Variants in KLHL29 observed in about 807,000 individuals in gnomAD.
KLHL29 encodes the protein kelch-like protein 29.
Under a neutral mutation model 80.4 loss-of-function variants are expected in KLHL29, and 21 were observed. The observed-to-expected ratio is 0.26, with a 90% CI of 0.19 to 0.38. KLHL29 has a LOEUF of 0.38. Ranked by LOEUF, KLHL29 falls within the 10% of genes least tolerant of loss-of-function variation. KLHL29 has a pLI of 1.00. For synonymous variants in KLHL29, 511 were observed against 526.8 expected, an observed-to-expected ratio of 0.97 and a Z score of 0.41; for missense variants, 867 against 1,223.9, an observed-to-expected ratio of 0.71 and a Z score of 4.35.
At position 23,613,763 on chromosome 2, in the gene KLHL29, C is replaced by CAAAAAAAAAAAAAAAAA. The variant is rs1157736706; in HGVS notation, c.286-25365_286-25349dup. The stretch of plus-strand genomic sequence containing the variant: ...TGGGCGGCAGGGCAAGACTCCATCT[C>CAAAAAAAAAAAAAAAAA]AAAAAAAAAAAAAAAAAAAAAAAAA... On this transcript the variant is annotated intron_variant, in intron 3 of 13. Coordinates refer to ENST00000486442, the MANE Select transcript of KLHL29 (RefSeq NM_052920.2). Among the ~76,000 whole-genome samples the CAAAAAAAAAAAAAAAAA allele has an allele frequency of 1.1e-4, 7 of 63,718 alleles. 1 individual carries two copies. Among genetic ancestry groups the CAAAAAAAAAAAAAAAAA allele is most frequent in the African/African-American group, 4.4e-4 (5 of 11,258 alleles). The allele number at this position is 63,718 out of a possible 152,430, so 41.8% of individuals were successfully genotyped here. A position where few individuals can be genotyped will look rare whatever the true frequency, so the allele number is the denominator to read the frequency against.
rs573983932 is a variant in KLHL29, at chr2:23,425,207, A to G, written c.-154+39427A>G. Among the ~76,000 whole-genome samples the G allele has an allele frequency of 2.3e-4, 35 of 152,356 alleles. No individual in the cohort carries two copies. The South Asian group carries it at 2.7e-3, about 12-fold the overall frequency. ...ATCTTTTTTACCATAAGCCATGCAA[A>G]AATGATAAAATGATTTTTTTTAATT... is the stretch of plus-strand genomic sequence containing the variant. On this transcript the variant is annotated intron_variant, in intron 1 of 13. Coordinates refer to ENST00000486442, the MANE Select transcript of KLHL29 (RefSeq NM_052920.2).
At chr2:23,434,341 A>AAT (rs1663276259) in intron 1 of KLHL29, among the ~76,000 whole-genome samples, 1 of 151,100 alleles carries the variant, frequency 6.6e-6, no homozygotes. Flanking sequence ...AAAAAAAAAA[A>AAT]AAAAGCTAGG....
At chr2:23,556,170 G>A (rs898044574) in intron 2 of KLHL29, among the ~76,000 whole-genome samples, 2 of 152,230 alleles carry the variant, frequency 1.3e-5, no homozygotes, top group Non-Finnish European at 2.9e-5. Flanking sequence ...GCAGCGGGGA[G>A]CCTGACAGCC....
rs868111996 is a variant in KLHL29, at chr2:23,706,418, A to T, written c.2445-63A>T. 8 of 1,302,040 alleles carry T rather than the reference A, an allele frequency of 6.1e-6. No individual in the cohort carries two copies. In the Middle Eastern group the frequency reaches 1.5e-3, roughly 249 times the overall value. 80.7% of individuals were successfully genotyped at this position (1,302,040 alleles called of 1,614,324 possible). On this transcript the variant is annotated intron_variant, in intron 13 of 13. Transcript: ENST00000486442. ...CCTACAACAGGACACGACGTTGAGA[A>T]CCTATCTCCAGGGCCAAGTTGGAAG...
At chr2:23,397,792 G>T (rs1666487514) in intron 1 of KLHL29, among the ~76,000 whole-genome samples, 1 of 152,184 alleles carries the variant, frequency 6.6e-6, no homozygotes, top group South Asian at 2.1e-4. Flanking sequence ...ATTAAAAAAT[G>T]GGCAAAGGAC....
intron 1 of KLHL29, among the ~76,000 whole-genome samples, chr2:23,390,888 A>G (rs1666304530): frequency 6.6e-6 from 1 of 152,142 alleles, no homozygotes; most frequent in Admixed American, 6.5e-5. Flanking sequence ...TCCTGACCTC[A>G]GGTGATCCAC....
Position 23,461,410 on chromosome 2 carries a change from C to CT in KLHL29, c.-153-14146dup, listed in dbSNP as rs550743978. 3.0e-3 allele frequency among the ~76,000 whole-genome samples: 461 copies of CT among 152,318 alleles called. 2 individuals are homozygous for CT. Among genetic ancestry groups the CT allele is most frequent in the Admixed American group, 6.5e-3 (100 of 15,300 alleles). On this transcript the variant is annotated intron_variant, in intron 1 of 13. Coordinates refer to ENST00000486442, the MANE Select transcript of KLHL29 (RefSeq NM_052920.2). Reference sequence around the variant, plus strand: ...TCAATTCATAATTCATGTTTCAACACTTTTGCAGCTGCTCTAAAAATTCTA... The same window carrying CT: ...TCAATTCATAATTCATGTTTCAACACTTTTTGCAGCTGCTCTAAAAATTCTA...
At chr2:23,686,051 C>T (rs1246126873) in intron 6 of KLHL29, among the ~76,000 whole-genome samples, 4 of 152,082 alleles carry the variant, frequency 2.6e-5, no homozygotes, top group Non-Finnish European at 5.9e-5. Context: ...GAGAAGAACA[C>T]GTGCTAGGAG....
chr2:23,530,152 G>A (rs1354895145), intron 2 of KLHL29, among the ~76,000 whole-genome samples: 1 of 152,242 alleles, frequency 6.6e-6, no homozygotes, highest in East Asian at 1.9e-4. Flanking sequence ...AAGAGGCAGG[G>A]CTGGCTCTAG....
chr2:23,397,629 G>A (rs1255860224), intron 1 of KLHL29, among the ~76,000 whole-genome samples: 1 of 152,200 alleles, frequency 6.6e-6, no homozygotes, highest in Non-Finnish European at 1.5e-5. Flanking sequence ...TCCTGTGCTG[G>A]GTGTGACCAG....
At chr2:23,468,499 A>G (rs1343268458) in intron 1 of KLHL29, among the ~76,000 whole-genome samples, 4 of 152,118 alleles carry the variant, frequency 2.6e-5, no homozygotes, top group Admixed American at 1.3e-4. Context: ...CTTTAAAGCT[A>G]TCAAGAGGCC....
chr2:23,576,210 C>A (rs1166651898), intron 3 of KLHL29, among the ~76,000 whole-genome samples: 2 of 150,680 alleles, frequency 1.3e-5, no homozygotes, highest in African/African-American at 4.9e-5. Flanking sequence ...GAGGCTGAAG[C>A]AGGAGAATCG....
chr2:23,698,748 G>A (rs552063171), intron 11 of KLHL29, among the ~76,000 whole-genome samples: 18 of 152,098 alleles, frequency 1.2e-4, no homozygotes, highest in Non-Finnish European at 2.2e-4. Flanking sequence ...CGCCTCACTC[G>A]GCAGGGTCAT....
At chr2:23,437,450 TTTTTG>T (rs1307164555) in intron 1 of KLHL29, among the ~76,000 whole-genome samples, 2 of 152,186 alleles carry the variant, frequency 1.3e-5, no homozygotes, top group African/African-American at 4.8e-5. Flanking sequence ...GGTGACCTGG[TTTTTG>T]TTTTCATGAA....
chr2:23,524,449 G>A, intron 2 of KLHL29: 1 of 169,672 alleles, frequency 5.9e-6, no homozygotes, highest in Non-Finnish European at 1.3e-5. Flanking sequence ...GGTGATGGAT[G>A]TTCATGGCTC....
intron 3 of KLHL29, among the ~76,000 whole-genome samples, chr2:23,568,413 G>A (rs1326296577): frequency 2.0e-5 from 3 of 152,184 alleles, no homozygotes; most frequent in Non-Finnish European, 4.4e-5. Context: ...GTGGTCTGCT[G>A]TAGGTTGGCT....
chr2:23,436,400 C>A (rs55974999), intron 1 of KLHL29, among the ~76,000 whole-genome samples: 75,924 of 150,384 alleles, frequency 0.5, 20,428 homozygotes, highest in African/African-American at 0.71. Context: ...TTGAGAGCCA[C>A]ATTTTTTTCT....
intron 2 of KLHL29, among the ~76,000 whole-genome samples, chr2:23,484,205 C>T (rs1173597214): frequency 1.3e-5 from 2 of 152,184 alleles, no homozygotes. Flanking sequence ...CACCTGGAGG[C>T]CATTCATGAC....
chr2:23,602,538 G>A (rs1224602840), intron 3 of KLHL29, among the ~76,000 whole-genome samples: 1 of 152,054 alleles, frequency 6.6e-6, no homozygotes, highest in African/African-American at 2.4e-5. Context: ...GGTCAGGAAA[G>A]CTGTGACTGT....
Sources: gnomAD v4.1 joint callset for allele counts (sites outside exome capture counted in the v4.1 genomes callset) on GRCh38, gnomAD v4.1.1 for gene constraint, MANE v1.5 for transcripts, NCBI Gene and HGNC (gene_info 2026-07-23, HGNC 2026-07-21) for gene names.